Variants in THRB observed in about 807,000 individuals in gnomAD.
THRB encodes the protein thyroid hormone receptor beta.
In THRB, 12 loss-of-function variants were observed where a neutral mutation model predicts 47.8. The ratio of observed to expected loss-of-function variants is 0.25; its 90% CI spans 0.16 to 0.41. The LOEUF (loss-of-function observed/expected upper bound fraction) is 0.41. THRB is among the 10% of genes least tolerant of loss of function. THRB has a pLI of 1.00. For missense variants in THRB, 348 were observed against 589.2 expected, an observed-to-expected ratio of 0.59 and a Z score of 4.24; for synonymous variants, 218 against 212.2, an observed-to-expected ratio of 1.03 and a Z score of -0.24.
chr3:24,196,058 C>A (rs1247118631), intron 4 of THRB, among the ~76,000 whole-genome samples: 2 of 152,114 alleles, frequency 1.3e-5, no homozygotes, highest in African/African-American at 4.8e-5. Flanking sequence ...AGGTGCTTGG[C>A]AAAATTTGTA....
rs1445786284 is a variant in THRB, at chr3:24,205,730, A to T, written c.23-15396T>A. On this transcript the variant is annotated intron_variant, in intron 4 of 10. Transcript: ENST00000646209. ...CAAATTGGATAAAGAGTCAAGACCC[A>T]TCAGTGTGCTGTATTCAGGAAACCC... Among the ~76,000 whole-genome samples the T allele has an allele frequency of 2.6e-5, 4 of 152,220 alleles. No individual in the cohort carries two copies. In the East Asian group the frequency reaches 7.7e-4, roughly 29 times the overall value.
At chr3:24,214,163 G>A (rs1303179488) in intron 4 of THRB, among the ~76,000 whole-genome samples, 1 of 152,210 alleles carries the variant, frequency 6.6e-6, no homozygotes, top group Non-Finnish European at 1.5e-5. Flanking sequence ...CAATGGACTT[G>A]AGGTGGATGT....
chr3:24,216,462 G>T (rs1477053405), intron 4 of THRB, among the ~76,000 whole-genome samples: 2 of 152,152 alleles, frequency 1.3e-5, no homozygotes, highest in Non-Finnish European at 2.9e-5. Context: ...CAAAAAATTA[G>T]CCGGGCGTGG....
intron 1 of THRB, among the ~76,000 whole-genome samples, chr3:24,439,227 C>T (rs2071286405): frequency 6.6e-6 from 1 of 152,056 alleles, no homozygotes; most frequent in Non-Finnish European, 1.5e-5. Context: ...GGGCAATCCT[C>T]CAGAGGGTGG....
intron 4 of THRB, among the ~76,000 whole-genome samples, chr3:24,190,598 C>T (rs538083195): frequency 3.9e-5 from 6 of 152,236 alleles, no homozygotes; most frequent in African/African-American, 1.2e-4. Context: ...CAAGGCTGTA[C>T]TTTCGCCAGT....
chr3:24,194,623 C>T lies in THRB; in HGVS notation c.23-4289G>A, dbSNP rs1040527097. On this transcript the variant is annotated intron_variant, in intron 4 of 10. Coordinates refer to ENST00000646209, the MANE Select transcript of THRB (RefSeq NM_001354712.2). ...GAATGATTAGGTTTGCATTCGATGA[C>T]CATCATTCTGATGGCTTTGATTGAC... Among the ~76,000 whole-genome samples the T allele has an allele frequency of 2.6e-5, 4 of 152,184 alleles. No homozygotes were observed. The South Asian group carries it at 8.3e-4, about 32-fold the overall frequency.
chr3:24,150,171 C>G (rs1247479138), intron 6 of THRB, among the ~76,000 whole-genome samples: 3 of 152,136 alleles, frequency 2.0e-5, no homozygotes, highest in Non-Finnish European at 4.4e-5. Flanking sequence ...CATGACATCT[C>G]CAAAAGATTT....
At chr3:24,323,218 C>T (rs916898213) in intron 2 of THRB, among the ~76,000 whole-genome samples, 3 of 150,670 alleles carry the variant, frequency 2.0e-5, no homozygotes, top group African/African-American at 2.4e-5. Context: ...TTCCTACGCA[C>T]GGTTTTTGGT....
chr3:24,314,931 C>A (rs1446086330), intron 2 of THRB, among the ~76,000 whole-genome samples: 1 of 152,176 alleles, frequency 6.6e-6, no homozygotes, highest in African/African-American at 2.4e-5. Context: ...TTCTCCTTAA[C>A]ATTTTTGAAG....
At chr3:24,151,770 T>C (rs187307188) in intron 6 of THRB, among the ~76,000 whole-genome samples, 169 of 152,342 alleles carry the variant, frequency 1.1e-3, no homozygotes, top group Middle Eastern at 3.4e-3. Context: ...TGATCACTGG[T>C]ATATTCTTGT....
intron 1 of THRB, among the ~76,000 whole-genome samples, chr3:24,453,267 C>G (rs1400769641): frequency 6.6e-6 from 1 of 152,222 alleles, no homozygotes; most frequent in Admixed American, 6.5e-5. Flanking sequence ...GCATTATTAA[C>G]TCATTCGATT....
At chr3:24,429,158 A>G (rs950771881) in intron 1 of THRB, among the ~76,000 whole-genome samples, 3 of 151,674 alleles carry the variant, frequency 2.0e-5, no homozygotes, top group Non-Finnish European at 4.4e-5. Context: ...CTATTAAAAG[A>G]AAATTATGAG....
At chr3:24,280,451 A>G (rs1184582355) in intron 3 of THRB, among the ~76,000 whole-genome samples, 1 of 152,182 alleles carries the variant, frequency 6.6e-6, no homozygotes, top group South Asian at 2.1e-4. Context: ...CACCATCATC[A>G]AAGACCAAAA....
chr3:24,479,264 C>T (rs775544555), intron 1 of THRB, among the ~76,000 whole-genome samples: 2 of 152,154 alleles, frequency 1.3e-5, no homozygotes, highest in African/African-American at 4.8e-5. Flanking sequence ...ATTGCGCCAC[C>T]GCACTCCAGT....
At position 24,454,193 on chromosome 3, in the gene THRB, G is replaced by A. The variant is rs139502113; in HGVS notation, c.-261+40459C>T. ...GCAATATAAAGAAATGAATTTTATC[G>A]ATACATGGTATGACATGGATAACCT... On this transcript the variant is annotated intron_variant, in intron 1 of 10. Transcript: ENST00000646209. 2.8e-3 allele frequency among the ~76,000 whole-genome samples: 427 copies of A among 152,246 alleles called. 2 individuals are homozygous for A. Among genetic ancestry groups the A allele is most frequent in the African/African-American group, 9.0e-3 (372 of 41,546 alleles).
At chr3:24,408,446 T>C (rs1190597100) in intron 1 of THRB, among the ~76,000 whole-genome samples, 1 of 151,828 alleles carries the variant, frequency 6.6e-6, no homozygotes, top group Non-Finnish European at 1.5e-5. Context: ...CGACATATGT[T>C]TAGTATTTGG....
intron 1 of THRB, among the ~76,000 whole-genome samples, chr3:24,340,977 C>T (rs945007641): frequency 3.3e-5 from 5 of 151,586 alleles, no homozygotes; most frequent in African/African-American, 1.2e-4. Flanking sequence ...TTTTTTCCTT[C>T]CTTCCTGCGT....
intron 3 of THRB, among the ~76,000 whole-genome samples, chr3:24,242,362 CG>C (rs1399485963): frequency 1.3e-4 from 20 of 152,194 alleles, no homozygotes; most frequent in East Asian, 1.2e-3. Flanking sequence ...GATTCATGTT[CG>C]GCTCACGGCT....
chr3:24,382,649 A>G (rs746384317), intron 1 of THRB, among the ~76,000 whole-genome samples: 2 of 152,282 alleles, frequency 1.3e-5, no homozygotes, highest in African/African-American at 2.4e-5. Context: ...AAAAATCCAC[A>G]TAGATTAAGA....
Sources: allele counts gnomAD v4.1 joint callset (sites outside exome capture counted in the v4.1 genomes callset), GRCh38; gene constraint gnomAD v4.1.1; transcripts MANE v1.5; gene names NCBI Gene and HGNC (gene_info 2026-07-23, HGNC 2026-07-21).